Variants in ZNF804B observed in about 807,000 individuals in gnomAD.
ZNF804B encodes the protein zinc finger protein 804B.
A neutral mutation model predicts 101.4 loss-of-function variants in ZNF804B; 80 were observed. That is an observed-to-expected ratio of 0.79 (90% CI 0.66 to 0.95). The LOEUF (loss-of-function observed/expected upper bound fraction) is 0.95, where lower values mean the gene tolerates loss of function less well. Among genes scored for constraint, ZNF804B ranks in the 40% least tolerant of loss-of-function variants. ZNF804B has a pLI of 0.00. For missense variants in ZNF804B, 1,673 were observed against 1,561.9 expected (o/e 1.07, Z -1.20); for synonymous variants, 622 against 558.8 (o/e 1.11, Z -1.59).
intron 1 of ZNF804B, among the ~76,000 whole-genome samples, chr7:89,039,326 C>G (rs1295967064): frequency 1.3e-5 from 2 of 151,846 alleles, no homozygotes; most frequent in Non-Finnish European, 2.9e-5. Flanking sequence ...ATTAATTCTT[C>G]TAATCAATTA....
intron 1 of ZNF804B, among the ~76,000 whole-genome samples, chr7:89,194,969 T>G (rs1317179253): frequency 6.6e-6 from 1 of 152,146 alleles, no homozygotes; most frequent in East Asian, 1.9e-4. Context: ...TCCATTTGTT[T>G]GTATCCTCTT....
chr7:89,047,028 A>G (rs1348710595), intron 1 of ZNF804B, among the ~76,000 whole-genome samples: 1 of 152,126 alleles, frequency 6.6e-6, no homozygotes, highest in Non-Finnish European at 1.5e-5. Context: ...TAGGGCAGAT[A>G]ATTTTCATAA....
intron 1 of ZNF804B, among the ~76,000 whole-genome samples, chr7:89,086,002 C>T (rs183522747): frequency 6.6e-6 from 1 of 152,022 alleles, no homozygotes; most frequent in Admixed American, 6.6e-5. Context: ...AAGTATTTTG[C>T]ATTTTCTACA....
At chr7:89,250,047 G>A (rs1789515491) in intron 2 of ZNF804B, among the ~76,000 whole-genome samples, 1 of 152,062 alleles carries the variant, frequency 6.6e-6, no homozygotes, top group Non-Finnish European at 1.5e-5. Context: ...AATTAGCCAG[G>A]TGTGTTGGCG....
chr7:89,299,911 G>T (rs993825476), intron 2 of ZNF804B, among the ~76,000 whole-genome samples: 1 of 151,854 alleles, frequency 6.6e-6, no homozygotes, highest in Non-Finnish European at 1.5e-5. Context: ...TGAAATAAAT[G>T]ATTTGTCTTG....
At chr7:89,044,277 G>A (rs1789067493) in intron 1 of ZNF804B, among the ~76,000 whole-genome samples, 1 of 152,180 alleles carries the variant, frequency 6.6e-6, no homozygotes, top group Non-Finnish European at 1.5e-5. Flanking sequence ...CGCCATGATT[G>A]TAAGTTTCCT....
intron 1 of ZNF804B, among the ~76,000 whole-genome samples, chr7:88,969,371 G>T (rs2116107949): frequency 6.6e-6 from 1 of 151,736 alleles, no homozygotes; most frequent in South Asian, 2.1e-4. Context: ...GAGTATGTGA[G>T]ATGAGGTTAA....
At chr7:89,065,320 A>T (rs1208197282) in intron 1 of ZNF804B, among the ~76,000 whole-genome samples, 1 of 152,282 alleles carries the variant, frequency 6.6e-6, no homozygotes, top group East Asian at 1.9e-4. Flanking sequence ...CTTCTTAAAC[A>T]TATGTCAAAC....
At chr7:89,092,818 G>C (rs542466882) in intron 1 of ZNF804B, among the ~76,000 whole-genome samples, 1 of 152,234 alleles carries the variant, frequency 6.6e-6, no homozygotes, top group South Asian at 2.1e-4. Flanking sequence ...CACACCAAAA[G>C]ATGGTACAGT....
chr7:89,056,429 G>A (rs528734302), intron 1 of ZNF804B, among the ~76,000 whole-genome samples: 1 of 152,186 alleles, frequency 6.6e-6, no homozygotes, highest in South Asian at 2.1e-4. Flanking sequence ...GGGGTTTGAG[G>A]AAAATAGACA....
intron 2 of ZNF804B, among the ~76,000 whole-genome samples, chr7:89,310,518 T>A (rs1379742577): frequency 6.6e-6 from 1 of 152,190 alleles, no homozygotes; most frequent in Admixed American, 6.6e-5. Flanking sequence ...AAGAGAGTTC[T>A]ATTTCAGAAG....
chr7:89,102,844 A>G (rs1329234700), intron 1 of ZNF804B, among the ~76,000 whole-genome samples: 1 of 151,630 alleles, frequency 6.6e-6, no homozygotes, highest in Non-Finnish European at 1.5e-5. Flanking sequence ...TCCATCTTGA[A>G]TTAATTTTTG....
intron 1 of ZNF804B, among the ~76,000 whole-genome samples, chr7:88,867,857 G>C (rs1410702456): frequency 6.6e-6 from 1 of 152,060 alleles, no homozygotes; most frequent in East Asian, 1.9e-4. Flanking sequence ...CTGAAATATA[G>C]AGAAATTGAG....
intron 1 of ZNF804B, among the ~76,000 whole-genome samples, chr7:88,889,642 T>G (rs1255781130): frequency 6.6e-6 from 1 of 152,090 alleles, no homozygotes; most frequent in Non-Finnish European, 1.5e-5. Flanking sequence ...TGGGTTCTTG[T>G]TTTGTTTAAG....
chr7:89,184,787 A>G (rs990978239), intron 1 of ZNF804B, among the ~76,000 whole-genome samples: 2 of 152,178 alleles, frequency 1.3e-5, no homozygotes, highest in African/African-American at 4.8e-5. Flanking sequence ...CTTAGATACC[A>G]ATTTAATATC....
At chr7:89,015,731 T>TATCATTGTTGGACA (rs1365683839) in intron 1 of ZNF804B, among the ~76,000 whole-genome samples, 1 of 152,208 alleles carries the variant, frequency 6.6e-6, no homozygotes, top group African/African-American at 2.4e-5. Flanking sequence ...TAATCCAGTC[T>TATCATTGTTGGACA]ATCATTGTTG....
rs573773658 is a variant in ZNF804B, at chr7:89,212,645, A to T, written c.109-5510A>T. ...GAAAGTGTTTGTTATGCAGATTTAA[A>T]TCTATGCCTTTTCCATTGATTAAGA... On this transcript the variant is annotated intron_variant, in intron 1 of 3. Coordinates refer to ENST00000333190, the MANE Select transcript of ZNF804B (RefSeq NM_181646.5). 2.6e-5 allele frequency among the ~76,000 whole-genome samples: 4 copies of T among 152,272 alleles called. No individual in the cohort carries two copies. In the South Asian group the frequency reaches 8.3e-4, roughly 32 times the overall value.
intron 1 of ZNF804B, among the ~76,000 whole-genome samples, chr7:88,799,365 A>T (rs922455855): frequency 1.3e-5 from 2 of 152,020 alleles, no homozygotes; most frequent in Non-Finnish European, 2.9e-5. Flanking sequence ...GAGGAAACCA[A>T]AATTTAGAGT....
At chr7:88,932,876 C>T (rs1297530469) in intron 1 of ZNF804B, among the ~76,000 whole-genome samples, 2 of 151,430 alleles carry the variant, frequency 1.3e-5, no homozygotes, top group Non-Finnish European at 3.0e-5. Context: ...TGGTAACATT[C>T]CTACTGAAAT....
Sources: gnomAD v4.1 joint callset for allele counts (sites outside exome capture counted in the v4.1 genomes callset) on GRCh38, gnomAD v4.1.1 for gene constraint, MANE v1.5 for transcripts, NCBI Gene and HGNC (gene_info 2026-07-23, HGNC 2026-07-21) for gene names.